Variants in TNFSF4 observed in about 807,000 individuals in gnomAD.
The protein encoded by TNFSF4 is tumor necrosis factor ligand superfamily member 4.
In TNFSF4, 4 loss-of-function variants were observed where a neutral mutation model predicts 7.3. The observed-to-expected ratio is 0.55, with a 90% CI of 0.27 to 1.25. TNFSF4 has a LOEUF of 1.25. Ranked by LOEUF, TNFSF4 falls within the 50% of genes most tolerant of loss-of-function variation. The pLI, the probability that TNFSF4 is intolerant of heterozygous loss-of-function variation, is 0.12. For missense variants in TNFSF4, 181 were observed against 208.8 expected, an observed-to-expected ratio of 0.87 and a Z score of 0.82; for synonymous variants, 76 against 83.7, an observed-to-expected ratio of 0.91 and a Z score of 0.50.
At chr1:173,304,521 G>A in the TNFSF4 span, among the ~76,000 whole-genome samples, 2 of 151,968 alleles carry the variant, frequency 1.3e-5, no homozygotes, top group Non-Finnish European at 2.9e-5. Context: ...CCATTGTTAA[G>A]GCAAAATGAT....
the TNFSF4 span, among the ~76,000 whole-genome samples, chr1:173,401,729 T>C: frequency 2.2e-3 from 329 of 151,920 alleles, no homozygotes; most frequent in African/African-American, 6.5e-3. Context: ...ATAAGTCAAT[T>C]CCACACACAT....
the TNFSF4 span, among the ~76,000 whole-genome samples, chr1:173,290,306 TAAGGG>T: frequency 1.3e-5 from 2 of 152,224 alleles, no homozygotes; most frequent in South Asian, 4.2e-4. Flanking sequence ...GCAAGTTGGA[TAAGGG>T]AGCAAGACCC....
chr1:173,198,231 G>A lies in TNFSF4; in HGVS notation c.153+8793C>T, dbSNP rs186506167. Among the ~76,000 whole-genome samples the A allele has an allele frequency of 5.5e-4, 84 of 152,152 alleles. 1 individual carries two copies. Among genetic ancestry groups the A allele is most frequent in the South Asian group, 1.7e-3 (8 of 4,814 alleles). ...CTAGGCACACCTGAGTTCTTCTCCC[G>A]GACCAGAAAATGTTCTTTCCCTTCC... is the stretch of plus-strand genomic sequence containing the variant. On this transcript the variant is annotated intron_variant, in intron 1 of 2. Coordinates refer to ENST00000281834, the MANE Select transcript of TNFSF4 (RefSeq NM_003326.5).
At chr1:173,188,078 C>T (rs1006472322) in intron 2 of TNFSF4, among the ~76,000 whole-genome samples, 1 of 152,230 alleles carries the variant, frequency 6.6e-6, no homozygotes, top group Non-Finnish European at 1.5e-5. Flanking sequence ...CCCAAACAAT[C>T]CTCTCTCTGG....
At chr1:173,387,493 T>C in the TNFSF4 span, among the ~76,000 whole-genome samples, 1 of 152,294 alleles carries the variant, frequency 6.6e-6, no homozygotes, top group South Asian at 2.1e-4. Context: ...TTTCTATTAT[T>C]TATAAGCTAT....
chr1:173,270,180 T>C, the TNFSF4 span, among the ~76,000 whole-genome samples: 2 of 152,084 alleles, frequency 1.3e-5, no homozygotes, highest in African/African-American at 4.8e-5. Flanking sequence ...AGGAGCAGAT[T>C]TGGGGGAAAA....
the TNFSF4 span, among the ~76,000 whole-genome samples, chr1:173,285,028 T>A: frequency 6.6e-6 from 1 of 152,208 alleles, no homozygotes; most frequent in Admixed American, 6.5e-5. Flanking sequence ...CTAATGAATC[T>A]GGGCAAAGTC....
chr1:173,264,875 G>A, the TNFSF4 span, among the ~76,000 whole-genome samples: 1 of 152,168 alleles, frequency 6.6e-6, no homozygotes, highest in Admixed American at 6.5e-5. Context: ...AGTGACATTA[G>A]TTGGAGAAGG....
chr1:173,378,570 C>T, the TNFSF4 span, among the ~76,000 whole-genome samples: 1 of 152,168 alleles, frequency 6.6e-6, no homozygotes, highest in African/African-American at 2.4e-5. Context: ...AATATTCTCT[C>T]TCTGATGGGG....
At chr1:173,255,629 AAT>A in the TNFSF4 span, among the ~76,000 whole-genome samples, 1 of 152,246 alleles carries the variant, frequency 6.6e-6, no homozygotes, top group Non-Finnish European at 1.5e-5. Context: ...GTGAAACAAA[AAT>A]AGACAGTTTA....
the TNFSF4 span, among the ~76,000 whole-genome samples, chr1:173,235,120 A>T: frequency 6.6e-6 from 1 of 152,166 alleles, no homozygotes; most frequent in African/African-American, 2.4e-5. Flanking sequence ...TGTTCAGAGA[A>T]GTCACTGAAT....
At chr1:173,442,551 G>GTT in the TNFSF4 span, among the ~76,000 whole-genome samples, 3 of 119,404 alleles carry the variant, frequency 2.5e-5, no homozygotes, top group African/African-American at 3.6e-5. Flanking sequence ...TTTTGTTTTT[G>GTT]TTTTTTTTTT....
intron 1 of TNFSF4, among the ~76,000 whole-genome samples, chr1:173,194,923 T>C (rs965394843): frequency 6.6e-6 from 1 of 151,170 alleles, no homozygotes; most frequent in Non-Finnish European, 1.5e-5. Flanking sequence ...TAAAACCTTA[T>C]TGAGTACTTA....
the TNFSF4 span, among the ~76,000 whole-genome samples, chr1:173,360,945 T>C: frequency 2.0e-5 from 3 of 152,114 alleles, no homozygotes; most frequent in African/African-American, 7.2e-5. Flanking sequence ...TGAACAGCCC[T>C]ATGATGGAAA....
At chr1:173,431,923 GC>G in the TNFSF4 span, among the ~76,000 whole-genome samples, 1 of 152,176 alleles carries the variant, frequency 6.6e-6, no homozygotes, top group Non-Finnish European at 1.5e-5. Context: ...TCAGTATGTA[GC>G]CCCCTTGGCT....
the TNFSF4 span, among the ~76,000 whole-genome samples, chr1:173,449,623 G>A: frequency 1.3e-5 from 2 of 152,054 alleles, no homozygotes; most frequent in Non-Finnish European, 2.9e-5. Context: ...ACAGACATGA[G>A]CCACCGTGCC....
At chr1:173,394,102 T>A in the TNFSF4 span, among the ~76,000 whole-genome samples, 1 of 151,552 alleles carries the variant, frequency 6.6e-6, no homozygotes. Context: ...AAAATTTAAA[T>A]CCAGGCACAG....
At chr1:173,373,097 G>A in the TNFSF4 span, among the ~76,000 whole-genome samples, 1 of 152,222 alleles carries the variant, frequency 6.6e-6, no homozygotes, top group African/African-American at 2.4e-5. Flanking sequence ...CATATAGCAA[G>A]TATGCTTATC....
the TNFSF4 span, among the ~76,000 whole-genome samples, chr1:173,335,755 G>A: frequency 6.6e-6 from 1 of 152,152 alleles, no homozygotes; most frequent in Non-Finnish European, 1.5e-5. Flanking sequence ...ATTAAGAAGA[G>A]GCAGGTCTTC....
Sources: gnomAD v4.1 joint callset for allele counts (sites outside exome capture counted in the v4.1 genomes callset) on GRCh38, gnomAD v4.1.1 for gene constraint, MANE v1.5 for transcripts, NCBI Gene and HGNC (gene_info 2026-07-23, HGNC 2026-07-21) for gene names.